The following NOX3 variants were observed in gnomAD, a reference collection of about 807,000 sequenced individuals.
The protein encoded by NOX3 is NADPH oxidase catalytic subunit-like 3.
NOX3 carries 74 observed loss-of-function variants against 76.7 expected under a neutral mutation model. That is an observed-to-expected ratio of 0.96 (90% CI 0.80 to 1.17). The LOEUF is 1.17. NOX3 is among the 50% of genes most tolerant of loss of function. The pLI, the probability that NOX3 is intolerant of heterozygous loss-of-function variation, is 0.00. For missense variants in NOX3, 695 were observed against 703.3 expected, an observed-to-expected ratio of 0.99 and a Z score of 0.13; for synonymous variants, 263 against 261.1, an observed-to-expected ratio of 1.01 and a Z score of -0.07.
At chr6:155,399,964 T>A (rs1404933375) in intron 12 of NOX3, among the ~76,000 whole-genome samples, 1 of 152,224 alleles carries the variant, frequency 6.6e-6, no homozygotes, top group Non-Finnish European at 1.5e-5. Flanking sequence ...TTAATGGCAT[T>A]GATCAGTCTG....
At chr6:155,443,757 T>G (rs968356376) in intron 4 of NOX3, among the ~76,000 whole-genome samples, 1 of 151,986 alleles carries the variant, frequency 6.6e-6, no homozygotes, top group Non-Finnish European at 1.5e-5. Flanking sequence ...AATAATGATA[T>G]ATAACTTCTT....
intron 5 of NOX3, among the ~76,000 whole-genome samples, chr6:155,443,026 A>G (rs80192727): frequency 0.03 from 4,563 of 152,130 alleles, 231 homozygotes; most frequent in African/African-American, 0.1. Flanking sequence ...CTGCGTTTCT[A>G]GTGTGTGTGT....
intron 7 of NOX3, among the ~76,000 whole-genome samples, chr6:155,435,966 T>C (rs1776898287): frequency 6.6e-6 from 1 of 152,236 alleles, no homozygotes; most frequent in Non-Finnish European, 1.5e-5. Context: ...TCCTTGAAGT[T>C]GTCAAAAGAA....
chr6:155,449,482 G>T (rs1401884745), intron 4 of NOX3, among the ~76,000 whole-genome samples: 1 of 152,152 alleles, frequency 6.6e-6, no homozygotes, highest in African/African-American at 2.4e-5. Flanking sequence ...TGGGGTTATA[G>T]GTCCCTGAAA....
At chr6:155,416,979 G>A (rs1413893576) in intron 10 of NOX3, among the ~76,000 whole-genome samples, 3 of 151,826 alleles carry the variant, frequency 2.0e-5, no homozygotes, top group African/African-American at 7.3e-5. Flanking sequence ...TCCAACTCCT[G>A]GCCTCAGGTG....
intron 6 of NOX3, 40 bp from the exon 7 acceptor site, chr6:155,436,587 A>G: frequency 6.2e-7 from 1 of 1,611,202 alleles, no homozygotes; most frequent in Non-Finnish European, 8.5e-7. Flanking sequence ...AAAAAGCAAA[A>G]AACGTCAAAC....
chr6:155,402,895 A>G (rs1160071603), intron 12 of NOX3, among the ~76,000 whole-genome samples: 1 of 152,182 alleles, frequency 6.6e-6, no homozygotes, highest in African/African-American at 2.4e-5. Context: ...AAATCCACCA[A>G]TTTCTTCTGA....
intron 6 of NOX3, among the ~76,000 whole-genome samples, chr6:155,437,126 A>G (rs976736569): frequency 2.0e-5 from 3 of 152,184 alleles, no homozygotes; most frequent in African/African-American, 7.2e-5. Context: ...TAGGAATGGA[A>G]AGAGAAGGCA....
At chr6:155,421,294 G>A (rs1194309336) in intron 10 of NOX3, among the ~76,000 whole-genome samples, 1 of 152,168 alleles carries the variant, frequency 6.6e-6, no homozygotes, top group Non-Finnish European at 1.5e-5. Context: ...CTGGAAAACA[G>A]GCCTTGTGTT....
At chr6:155,450,946 C>G (rs1777131498) in intron 4 of NOX3, among the ~76,000 whole-genome samples, 1 of 152,096 alleles carries the variant, frequency 6.6e-6, no homozygotes, top group African/African-American at 2.4e-5. Flanking sequence ...CCAACTAACT[C>G]TGATCCTGAC....
chr6:155,433,749 G>A (rs531993103), intron 7 of NOX3, among the ~76,000 whole-genome samples: 1 of 152,156 alleles, frequency 6.6e-6, no homozygotes, highest in Non-Finnish European at 1.5e-5. Flanking sequence ...TAGGGGCTCT[G>A]GTTCTTTAAG....
Position 155,428,800 on chromosome 6 carries a change from AGGCTCCAG to A in NOX3, c.1131_1138del (p.Trp378AlafsTer47). On this transcript the variant is annotated frameshift_variant, in exon 9 of 14. Transcript: ENST00000159060. LOFTEE classifies it high-confidence loss of function. ...GAGAGAAATGGGCACGAACCTTGGC[AGGCTCCAG>A]GGCTCCTGGAGGGCCTGTCCCTCTG... The A allele has an allele frequency of 1.3e-6, 2 of 1,493,062 alleles. No individual in the cohort carries two copies. Among genetic ancestry groups the A allele is most frequent in the South Asian group, 2.8e-5 (2 of 70,404 alleles). The allele number at this position is 1,493,062 out of a possible 1,614,324, so 92.5% of individuals were successfully genotyped here.
At chr6:155,396,051 A>G (rs1017068966) in intron 13 of NOX3, among the ~76,000 whole-genome samples, 21 of 152,224 alleles carry the variant, frequency 1.4e-4, no homozygotes, top group Non-Finnish European at 2.9e-4. Flanking sequence ...ACGCTTCTCA[A>G]TGCATTTTAA....
chr6:155,400,347 T>G (rs1162682356), intron 12 of NOX3, among the ~76,000 whole-genome samples: 3 of 152,216 alleles, frequency 2.0e-5, no homozygotes, highest in Non-Finnish European at 4.4e-5. Flanking sequence ...GCTTGGTAAG[T>G]TATAACCCTG....
Position 155,428,975 on chromosome 6 carries a change from A to ATTAGCAAAGTGGGATAGG in NOX3, c.963_964insCCTATCCCACTTTGCTAA (p.Gln321_Tyr322insProIleProLeuCysTer), listed in dbSNP as rs1405158618. 1 of 1,613,928 alleles carries ATTAGCAAAGTGGGATAGG rather than the reference A, an allele frequency of 6.2e-7. No homozygotes were observed. Among genetic ancestry groups the ATTAGCAAAGTGGGATAGG allele is most frequent in the Admixed American group, 1.7e-5 (1 of 60,010 alleles). ...ATGGCTGGGCACTGCACCAAGATGT[A>ATTAGCAAAGTGGGATAGG]CTGCCCTGGCGCCATTTTAAAGCCA... On this transcript the variant is annotated stop_gained and inframe_insertion, in exon 9 of 14. Transcript: ENST00000159060. LOFTEE classifies it high-confidence loss of function.
In NOX3 at chr6:155,454,931, T is replaced by A; in HGVS notation, c.145-10A>T. On this transcript the variant is annotated splice_polypyrimidine_tract_variant and intron_variant, in intron 2 of 13. Coordinates refer to ENST00000159060, the MANE Select transcript of NOX3 (RefSeq NM_015718.3). Reference sequence around the variant, plus strand: ...CCCAAGCCAGTGTTGACTGTCCACATGTAAAGACATAAAAAAGAGATTCAG... The same window carrying A: ...CCCAAGCCAGTGTTGACTGTCCACAAGTAAAGACATAAAAAAGAGATTCAG... 1.9e-6 allele frequency: 3 copies of A among 1,600,502 alleles called. No homozygotes were observed. The highest frequency in any genetic ancestry group is 3.4e-5 in the Admixed American group (2 of 58,902).
intron 12 of NOX3, among the ~76,000 whole-genome samples, chr6:155,405,460 G>A (rs963147045): frequency 2.0e-5 from 3 of 152,020 alleles, no homozygotes; most frequent in Non-Finnish European, 2.9e-5. Context: ...CCAGTTTCAC[G>A]GCTCCAAACA....
intron 6 of NOX3, among the ~76,000 whole-genome samples, chr6:155,439,372 T>C (rs1776951568): frequency 6.6e-6 from 1 of 152,120 alleles, no homozygotes; most frequent in Non-Finnish European, 1.5e-5. Context: ...AGATGAACCA[T>C]ATCAGGCAGG....
intron 8 of NOX3, 144 bp from the exon 9 acceptor site, chr6:155,429,191 T>G: frequency 1.4e-6 from 1 of 738,904 alleles, no homozygotes; most frequent in African/African-American, 1.8e-5. Flanking sequence ...CTCCCAAAGA[T>G]ATGTGCCATC....
Sources: gnomAD v4.1 joint callset for allele counts (sites outside exome capture counted in the v4.1 genomes callset) on GRCh38, gnomAD v4.1.1 for gene constraint, MANE v1.5 for transcripts, NCBI Gene and HGNC (gene_info 2026-07-23, HGNC 2026-07-21) for gene names.